Variants in POU2F1 observed in about 807,000 individuals in gnomAD.
POU2F1 encodes POU domain, class 2, transcription factor 1.
A neutral mutation model predicts 84.9 loss-of-function variants in POU2F1; 16 were observed. The ratio of observed to expected loss-of-function variants is 0.19; its 90% CI spans 0.13 to 0.29. POU2F1 has a LOEUF of 0.29. POU2F1 is among the 10% of genes least tolerant of loss of function. POU2F1 has a pLI of 1.00. For synonymous variants in POU2F1, 368 were observed against 368.3 expected (o/e 1.00, Z 0.01); for missense variants, 738 against 942.6 (o/e 0.78, Z 2.84).
chr1:167,366,441 A>G (rs1420372309), intron 3 of POU2F1, among the ~76,000 whole-genome samples: 2 of 152,228 alleles, frequency 1.3e-5, no homozygotes, highest in Non-Finnish European at 2.9e-5. Context: ...AGCACTGAAT[A>G]TATACATCTT....
At chr1:167,338,682 C>T (rs1447283614) in intron 2 of POU2F1, among the ~76,000 whole-genome samples, 1 of 152,206 alleles carries the variant, frequency 6.6e-6, no homozygotes, top group Non-Finnish European at 1.5e-5. Context: ...CCATTCTTCC[C>T]TCTCCTCCAC....
chr1:167,314,339 A>G (rs1276305829), intron 1 of POU2F1, among the ~76,000 whole-genome samples: 1 of 152,266 alleles, frequency 6.6e-6, no homozygotes, highest in East Asian at 1.9e-4. Flanking sequence ...ACCATGAGCT[A>G]TCACTGCACA....
At chr1:167,397,535 A>G (rs563636312) in intron 10 of POU2F1, among the ~76,000 whole-genome samples, 2 of 152,118 alleles carry the variant, frequency 1.3e-5, no homozygotes, top group African/African-American at 4.8e-5. Flanking sequence ...AAATATATAT[A>G]TATTGGGGGG....
At chr1:167,329,101 A>C (rs1261750950) in intron 1 of POU2F1, 1 of 1,313,770 alleles carries the variant, frequency 7.6e-7, no homozygotes, top group Non-Finnish European at 9.8e-7. Flanking sequence ...ATGGTGTAAC[A>C]GAAGTTGTAT....
At chr1:167,308,839 A>G (rs906893271) in intron 1 of POU2F1, among the ~76,000 whole-genome samples, 5 of 152,130 alleles carry the variant, frequency 3.3e-5, no homozygotes, top group African/African-American at 1.2e-4. Flanking sequence ...TCTTGACTGA[A>G]CTTATTACTG....
chr1:167,402,463 G>T (rs1165841043), intron 13 of POU2F1, among the ~76,000 whole-genome samples: 1 of 151,956 alleles, frequency 6.6e-6, no homozygotes, highest in African/African-American at 2.4e-5. Context: ...TTTGTTTATT[G>T]TTTTCTGCAT....
At chr1:167,236,989 T>G (rs1308123485) in intron 1 of POU2F1, among the ~76,000 whole-genome samples, 2 of 152,218 alleles carry the variant, frequency 1.3e-5, no homozygotes, top group Non-Finnish European at 2.9e-5. Context: ...ATAAGACTAA[T>G]CCTGAAATAT....
rs575373646 is a variant in POU2F1, at chr1:167,392,959, A to G, written c.987+3198A>G. Among the ~76,000 whole-genome samples, 7 of 152,304 alleles carry G rather than the reference A, an allele frequency of 4.6e-5. 1 individual carries two copies. The East Asian group carries it at 1.2e-3, about 25-fold the overall frequency. ...CAAAAAAAGCTCTATTCTCTGTGTA[A>G]ATATACACATTATTAGATGTTTTAA... On this transcript the variant is annotated intron_variant, in intron 9 of 15. Transcript: ENST00000367866.
At chr1:167,309,555 TG>T (rs1370428240) in intron 1 of POU2F1, among the ~76,000 whole-genome samples, 1 of 152,184 alleles carries the variant, frequency 6.6e-6, no homozygotes, top group African/African-American at 2.4e-5. Context: ...TAATGACTTT[TG>T]GACTGAATTA....
chr1:167,384,087 C>T, intron 8 of POU2F1, 136 bp downstream of exon 8: 1 of 661,798 alleles, frequency 1.5e-6, no homozygotes, highest in Non-Finnish European at 2.5e-6. Flanking sequence ...CAAAGCTAGG[C>T]TTATCAGCTC....
Position 167,370,047 on chromosome 1 carries a change from C to G in POU2F1, c.229-114C>G, listed in dbSNP as rs1048516871. The G allele has an allele frequency of 2.1e-5, 18 of 857,766 alleles. No homozygotes were observed. The Middle Eastern group carries it at 7.3e-4, about 35-fold the overall frequency. The allele number at this position is 857,766 out of a possible 1,614,324, so 53.1% of individuals were successfully genotyped here. On this transcript the variant is annotated intron_variant, in intron 3 of 15. Coordinates refer to ENST00000367866, the MANE Select transcript of POU2F1 (RefSeq NM_002697.4). ...AGTTTTAACTCCGTAAGACAAACTT[C>G]TTTGTCTTCTCAGTTCTAGCTCGGT...
chr1:167,343,378 T>C (rs1408150679), intron 2 of POU2F1, among the ~76,000 whole-genome samples: 1 of 152,222 alleles, frequency 6.6e-6, no homozygotes, highest in African/African-American at 2.4e-5. Flanking sequence ...GTTTCTAAAA[T>C]GCTGTTTTCA....
At chr1:167,308,548 C>T (rs1655244989) in intron 1 of POU2F1, among the ~76,000 whole-genome samples, 1 of 152,130 alleles carries the variant, frequency 6.6e-6, no homozygotes, top group African/African-American at 2.4e-5. Context: ...CTTCCTCCTT[C>T]CCTGGTCTCA....
At chr1:167,391,273 A>G (rs936251243) in intron 9 of POU2F1, among the ~76,000 whole-genome samples, 3 of 152,022 alleles carry the variant, frequency 2.0e-5, no homozygotes. Flanking sequence ...GCAAGGAATT[A>G]AACTGAATGA....
chr1:167,259,507 A>G (rs1272858637), intron 1 of POU2F1, among the ~76,000 whole-genome samples: 1 of 152,190 alleles, frequency 6.6e-6, no homozygotes, highest in Non-Finnish European at 1.5e-5. Flanking sequence ...CTTGGCACTT[A>G]TAAGCAATGC....
chr1:167,221,018 C>CT (rs1262290122), intron 1 of POU2F1, 60 bp downstream of exon 1: 3 of 1,377,838 alleles, frequency 2.2e-6, no homozygotes, highest in African/African-American at 2.9e-5. Flanking sequence ...CCCGCTGCCC[C>CT]CCCCCGCGAC....
chr1:167,392,129 C>T (rs1473944654), intron 9 of POU2F1, among the ~76,000 whole-genome samples: 3 of 152,124 alleles, frequency 2.0e-5, no homozygotes, highest in African/African-American at 7.2e-5. Context: ...GCAGGTGGAT[C>T]ACCTGAGGTC....
intron 1 of POU2F1, among the ~76,000 whole-genome samples, chr1:167,303,925 A>G (rs1654883121): frequency 6.6e-6 from 1 of 152,180 alleles, no homozygotes. Flanking sequence ...TAATCCCTGT[A>G]TGATAGTTTA....
chr1:167,365,647 A>C, intron 3 of POU2F1, 80 bp downstream of exon 3: 1 of 986,900 alleles, frequency 1.0e-6, no homozygotes, highest in Non-Finnish European at 1.5e-6. Flanking sequence ...GTTATTTCAG[A>C]ATGTGGGACC....
Sources: gnomAD v4.1 joint callset for allele counts (sites outside exome capture counted in the v4.1 genomes callset) on GRCh38, gnomAD v4.1.1 for gene constraint, MANE v1.5 for transcripts, NCBI Gene and HGNC (gene_info 2026-07-23, HGNC 2026-07-21) for gene names.